IL7: variants seen among roughly 807,000 people sequenced by gnomAD.
IL7 encodes interleukin-7.
IL7 carries 3 observed loss-of-function variants against 21.6 expected under a neutral mutation model. The observed-to-expected ratio is 0.14, with a 90% confidence interval of 0.06 to 0.36. IL7 has a LOEUF of 0.36. IL7 is among the 10% of genes least tolerant of loss of function. The probability of loss-of-function intolerance (pLI) is 1.00; values close to 1 mark genes in which losing one functional copy is unlikely to be tolerated. For missense variants in IL7, 175 were observed against 200.2 expected (o/e 0.87, Z 0.76); for synonymous variants, 62 against 68.1 (o/e 0.91, Z 0.44).
intron 2 of IL7, among the ~76,000 whole-genome samples, chr8:78,768,811 C>A (rs1812848520): frequency 6.6e-6 from 1 of 152,098 alleles, no homozygotes; most frequent in Non-Finnish European, 1.5e-5. Flanking sequence ...CCGAATCCAG[C>A]AGCACGTCAA....
At chr8:78,783,659 AT>A (rs1464979709) in intron 2 of IL7, among the ~76,000 whole-genome samples, 6 of 152,176 alleles carry the variant, frequency 3.9e-5, no homozygotes, top group Middle Eastern at 3.4e-3. Flanking sequence ...ATAATCACAA[AT>A]GCTTATATGC....
At chr8:78,793,102 C>A (rs143103081) in intron 2 of IL7, among the ~76,000 whole-genome samples, 233 of 152,112 alleles carry the variant, frequency 1.5e-3, no homozygotes, top group Non-Finnish European at 2.7e-3. Context: ...AAACATTATA[C>A]TAAGGCAAAC....
At chr8:78,700,760 A>G (rs1810577252) in intron 3 of IL7, among the ~76,000 whole-genome samples, 1 of 152,182 alleles carries the variant, frequency 6.6e-6, no homozygotes, top group African/African-American at 2.4e-5. Context: ...TTAAATAGGG[A>G]ATCCTTTTTC....
At chr8:78,725,903 CTTTAT>C (rs1472065986) in intron 3 of IL7, among the ~76,000 whole-genome samples, 3 of 151,668 alleles carry the variant, frequency 2.0e-5, no homozygotes, top group Non-Finnish European at 4.4e-5. Context: ...TTGATCAAAA[CTTTAT>C]TTTATTTAAT....
At chr8:78,713,808 C>T (rs373649304), downstream of IL7, among the ~76,000 whole-genome samples, 6 of 152,268 alleles carry the variant, frequency 3.9e-5, no homozygotes, top group South Asian at 1.0e-3. Context: ...GTAGTAGCCT[C>T]ACAATTTATA....
chr8:78,787,026 C>T (rs944990528), intron 2 of IL7, among the ~76,000 whole-genome samples: 3 of 152,194 alleles, frequency 2.0e-5, no homozygotes, highest in Non-Finnish European at 4.4e-5. Flanking sequence ...GTGGCATGCC[C>T]AGAGAAGGCA....
chr8:78,683,951 A>G (rs1297164733), intron 4 of IL7, among the ~76,000 whole-genome samples: 1 of 152,198 alleles, frequency 6.6e-6, no homozygotes, highest in Non-Finnish European at 1.5e-5. Context: ...TCCATTTCCC[A>G]GCAAGTTCTT....
intron 5 of IL7, among the ~76,000 whole-genome samples, chr8:78,735,286 T>C: frequency 8.2e-6 from 1 of 122,636 alleles, no homozygotes; most frequent in East Asian, 2.0e-4. Flanking sequence ...CTTTTTTTTT[T>C]TTTTTTGTTT....
chr8:78,689,362 C>G, intron 3 of IL7: 3 of 1,587,686 alleles, frequency 1.9e-6, no homozygotes, highest in Non-Finnish European at 2.6e-6. Context: ...ACCAACTTCT[C>G]GGACACAGGT....
intron 3 of IL7, among the ~76,000 whole-genome samples, chr8:78,692,078 G>T (rs966283311): frequency 8.5e-5 from 13 of 152,052 alleles, no homozygotes; most frequent in African/African-American, 3.1e-4. Flanking sequence ...ATTTTGAAAG[G>T]TATAATACAT....
chr8:78,718,147 A>G (rs964446404), intron 6 of IL7: 1 of 152,060 alleles, frequency 6.6e-6, no homozygotes, highest in Non-Finnish European at 1.5e-5. Flanking sequence ...CAAGACTAAA[A>G]ATACAAATCT....
intron 2 of IL7, among the ~76,000 whole-genome samples, chr8:78,750,234 A>G (rs139998786): frequency 0.011 from 1,724 of 151,918 alleles, 20 homozygotes; most frequent in Non-Finnish European, 0.015. Flanking sequence ...TAAGGAGGGG[A>G]AAAAAAAGAG....
At chr8:78,705,756 T>C (rs1218600146) in intron 3 of IL7, among the ~76,000 whole-genome samples, 1 of 152,150 alleles carries the variant, frequency 6.6e-6, no homozygotes, top group African/African-American at 2.4e-5. Context: ...CAAATCTCTG[T>C]AGGCCAGAGA....
downstream of IL7, among the ~76,000 whole-genome samples, chr8:78,713,519 TA>T (rs1196450559): frequency 6.6e-6 from 1 of 151,852 alleles, no homozygotes; most frequent in Admixed American, 6.6e-5. Context: ...AATGATTTCC[TA>T]AAGATTGAAT....
intron 2 of IL7, among the ~76,000 whole-genome samples, chr8:78,741,634 A>C (rs1222112422): frequency 6.6e-6 from 1 of 152,222 alleles, no homozygotes; most frequent in Non-Finnish European, 1.5e-5. Context: ...GTTATTAATA[A>C]AACTTATTTT....
chr8:78,751,493 T>A (rs1462101463), intron 2 of IL7, among the ~76,000 whole-genome samples: 1 of 152,196 alleles, frequency 6.6e-6, no homozygotes, highest in African/African-American at 2.4e-5. Context: ...GCAAGAAATC[T>A]TAGCAGAAGC....
In IL7 at chr8:78,743,344, A is replaced by G. The variant is rs561175184; in HGVS notation, c.148-3262T>C. 2.6e-4 allele frequency among the ~76,000 whole-genome samples: 40 copies of G among 152,312 alleles called. No individual in the cohort carries two copies. In the South Asian group the frequency reaches 7.5e-3, roughly 28 times the overall value. ...TCTTCCACAATGGCTGAACTGATTT[A>G]CATTCCCACCAACAGTGTATAAGCA... On this transcript the variant is annotated intron_variant, in intron 2 of 5. Coordinates refer to ENST00000263851, the MANE Select transcript of IL7 (RefSeq NM_000880.4).
intron 2 of IL7, among the ~76,000 whole-genome samples, chr8:78,783,933 C>T (rs1586102803): frequency 6.6e-6 from 1 of 151,888 alleles, no homozygotes; most frequent in Non-Finnish European, 1.5e-5. Flanking sequence ...CCTGGTTAAG[C>T]AAAAATAAGC....
chr8:78,751,396 G>A (rs908471940), intron 2 of IL7, among the ~76,000 whole-genome samples: 1 of 152,188 alleles, frequency 6.6e-6, no homozygotes, highest in Admixed American at 6.5e-5. Context: ...TGTACTCTGT[G>A]AATTTAGCCT....
Sources: gnomAD v4.1 joint callset for allele counts (sites outside exome capture counted in the v4.1 genomes callset) on GRCh38, gnomAD v4.1.1 for gene constraint, MANE v1.5 for transcripts, NCBI Gene and HGNC (gene_info 2026-07-23, HGNC 2026-07-21) for gene names.